The following NEDD4L variants were observed in gnomAD, a reference collection of about 807,000 sequenced individuals.
The protein encoded by NEDD4L is NEDD4 like E3 ubiquitin protein ligase.
Under a neutral mutation model 148.9 loss-of-function variants are expected in NEDD4L, and 54 were observed. The ratio of observed to expected loss-of-function variants is 0.36; its 90% confidence interval spans 0.29 to 0.45. The LOEUF (loss-of-function observed/expected upper bound fraction) is 0.45. Among genes scored for constraint, NEDD4L ranks in the 20% least tolerant of loss-of-function variants. The probability of loss-of-function intolerance (pLI) is 1.00; values close to 1 mark genes in which losing one functional copy is unlikely to be tolerated. For missense variants in NEDD4L, 856 were observed against 1,233.8 expected, an observed-to-expected ratio of 0.69 and a Z score of 4.59; for synonymous variants, 433 against 440.7, an observed-to-expected ratio of 0.98 and a Z score of 0.22.
chr18:58,107,012 G>A (rs373604445), intron 1 of NEDD4L, among the ~76,000 whole-genome samples: 211 of 152,270 alleles, frequency 1.4e-3, no homozygotes, highest in African/African-American at 3.1e-3. Context: ...GTTGGAAGTC[G>A]AAGATCAAAG....
intron 2 of NEDD4L, among the ~76,000 whole-genome samples, chr18:58,190,602 C>G (rs2039997862): frequency 6.6e-6 from 1 of 152,088 alleles, no homozygotes; most frequent in African/African-American, 2.4e-5. Context: ...TGTTTATTTT[C>G]TTTTCTTCTA....
At chr18:58,083,265 C>T (rs529053867) in intron 1 of NEDD4L, among the ~76,000 whole-genome samples, 10 of 152,058 alleles carry the variant, frequency 6.6e-5, no homozygotes, top group African/African-American at 1.2e-4. Flanking sequence ...TGATTTGGCA[C>T]GAGGTACTGA....
Position 58,342,962 on chromosome 18 carries a change from G to A in NEDD4L, c.1434G>A (p.Gln478=). 1 of 1,613,616 alleles carries A rather than the reference G, an allele frequency of 6.2e-7. No homozygotes were observed. The change falls in exon 16 of 31, where the codon CAG becomes CAA. Residue 478 remains glutamine, a synonymous_variant. Coordinates refer to ENST00000400345, the MANE Select transcript of NEDD4L (RefSeq NM_001144967.3). ...TGAAAGACACCCTTTCCAACCCACAGTCCCCACAGCCATCACCTTACAACT... is the reference window on the plus strand; with the variant it reads ...TGAAAGACACCCTTTCCAACCCACAATCCCCACAGCCATCACCTTACAACT... ...RAVKDTLSNP[Q]SPQPSPYNSP...
rs145325484 is a variant in NEDD4L at position 58,252,682 on chromosome 18, C to A, written c.297+628C>A. Among the ~76,000 whole-genome samples the A allele has an allele frequency of 4.4e-3, 668 of 152,154 alleles. 8 individuals carry two copies. The highest frequency in any genetic ancestry group is 6.9e-3 in the Non-Finnish European group (466 of 68,000). ...GTATATATAATATGTTTATGAAGAT[C>A]GACACATACATAACTGAAATAATTA... On this transcript the variant is annotated intron_variant, in intron 5 of 30. Coordinates refer to ENST00000400345, the MANE Select transcript of NEDD4L (RefSeq NM_001144967.3).
chr18:58,081,417 G>T (rs746309360), intron 1 of NEDD4L, among the ~76,000 whole-genome samples: 1 of 151,816 alleles, frequency 6.6e-6, no homozygotes, highest in South Asian at 2.1e-4. Flanking sequence ...GGGTTTCACC[G>T]TGTTAGCCAG....
chr18:58,195,449 C>T (rs759763794), intron 2 of NEDD4L: 2 of 1,322,304 alleles, frequency 1.5e-6, no homozygotes, highest in African/African-American at 1.5e-5. Flanking sequence ...GCATCCGCGG[C>T]AGCAGCTTCC....
chr18:58,052,829 C>T (rs1044087589), intron 1 of NEDD4L, among the ~76,000 whole-genome samples: 1 of 151,966 alleles, frequency 6.6e-6, no homozygotes, highest in Non-Finnish European at 1.5e-5. Context: ...AGCTGGGCGT[C>T]GTGGCGTGCC....
chr18:58,220,795 G>T (rs539768552), intron 2 of NEDD4L, among the ~76,000 whole-genome samples: 15 of 152,302 alleles, frequency 9.8e-5, no homozygotes, highest in African/African-American at 3.4e-4. Context: ...AAGTAGCATA[G>T]TGCCCATCGC....
intron 5 of NEDD4L, among the ~76,000 whole-genome samples, chr18:58,303,933 T>C (rs1208300838): frequency 2.0e-5 from 3 of 152,176 alleles, no homozygotes; most frequent in Non-Finnish European, 4.4e-5. Context: ...AACATTCTTA[T>C]AGAGTTGCCC....
intron 6 of NEDD4L, among the ~76,000 whole-genome samples, chr18:58,321,062 G>A (rs7243164): frequency 0.33 from 50,909 of 152,034 alleles, 9,564 homozygotes; most frequent in African/African-American, 0.5. Context: ...GAGTGCTTAC[G>A]TGAGTACCTA....
intron 9 of NEDD4L, among the ~76,000 whole-genome samples, chr18:58,328,236 A>C (rs2059482584): frequency 6.6e-6 from 1 of 152,326 alleles, no homozygotes. Context: ...AAGTGCTGGG[A>C]TTACAGGCAT....
At chr18:58,255,435 G>A (rs1460537213) in intron 5 of NEDD4L, 8 of 1,124,054 alleles carry the variant, frequency 7.1e-6, no homozygotes, top group Non-Finnish European at 7.8e-6. Context: ...GTGTGGATGA[G>A]AGCTTTTTGC....
At chr18:58,067,841 G>T (rs756239432) in intron 1 of NEDD4L, among the ~76,000 whole-genome samples, 3 of 152,244 alleles carry the variant, frequency 2.0e-5, no homozygotes, top group African/African-American at 7.2e-5. Flanking sequence ...TGAGATGACA[G>T]CTGCTGGTGG....
At chr18:58,195,382 G>A in intron 2 of NEDD4L, 3 of 1,223,186 alleles carry the variant, frequency 2.5e-6, no homozygotes, top group South Asian at 1.4e-5. Context: ...TGCTGCCTCT[G>A]ATGAGGCACT....
chr18:58,247,144 A>G (rs1366257727), intron 3 of NEDD4L: 3 of 152,078 alleles, frequency 2.0e-5, no homozygotes, highest in Admixed American at 1.3e-4. Flanking sequence ...GGGTGCTTAG[A>G]TAGTCTAACA....
intron 1 of NEDD4L, among the ~76,000 whole-genome samples, chr18:58,154,254 A>C (rs962036777): frequency 1.3e-5 from 2 of 152,190 alleles, no homozygotes; most frequent in Admixed American, 1.3e-4. Flanking sequence ...CATCCTGCAG[A>C]GTGAGTACTG....
intron 1 of NEDD4L, among the ~76,000 whole-genome samples, chr18:58,053,526 G>A (rs180798753): frequency 6.6e-6 from 1 of 152,198 alleles, no homozygotes; most frequent in East Asian, 1.9e-4. Context: ...AGGCAGGATG[G>A]TCTCGAACTC....
At chr18:58,395,232 C>G (rs894598994) in intron 30 of NEDD4L, among the ~76,000 whole-genome samples, 2 of 152,182 alleles carry the variant, frequency 1.3e-5, no homozygotes, top group Non-Finnish European at 2.9e-5. Context: ...AATCACCCCC[C>G]AACACATACA....
intron 1 of NEDD4L, among the ~76,000 whole-genome samples, chr18:58,106,982 T>G (rs1369000967): frequency 6.6e-6 from 1 of 152,222 alleles, no homozygotes; most frequent in African/African-American, 2.4e-5. Flanking sequence ...TTTATTTATT[T>G]TTTTAATATA....
Sources: allele counts gnomAD v4.1 joint callset (sites outside exome capture counted in the v4.1 genomes callset), GRCh38; gene constraint gnomAD v4.1.1; transcripts MANE v1.5; gene names NCBI Gene and HGNC (gene_info 2026-07-23, HGNC 2026-07-21).